MAGI2: variants seen among roughly 807,000 people sequenced by gnomAD.
MAGI2 encodes the protein membrane associated guanylate kinase, WW and PDZ domain containing 2.
In MAGI2, 35 loss-of-function variants were observed where a neutral mutation model predicts 133.3. That is an observed-to-expected ratio of 0.26 (90% CI 0.20 to 0.35). The LOEUF is 0.35. MAGI2 is among the 10% of genes least tolerant of loss of function. The pLI, the probability that MAGI2 is intolerant of heterozygous loss-of-function variation, is 1.00. For synonymous variants in MAGI2, 729 were observed against 710.6 expected (o/e 1.03, Z -0.41); for missense variants, 1,636 against 1,863.4 (o/e 0.88, Z 2.25).
intron 1 of MAGI2, chr7:79,030,203 T>C (rs550083787): frequency 3.9e-5 from 6 of 152,342 alleles, no homozygotes; most frequent in African/African-American, 1.4e-4. Flanking sequence ...GATTTTGTTT[T>C]GGTGAGGGAA....
chr7:78,974,871 A>G (rs1205662960), intron 2 of MAGI2, among the ~76,000 whole-genome samples: 2 of 151,784 alleles, frequency 1.3e-5, no homozygotes, highest in African/African-American at 2.4e-5. Context: ...CAATTATCGA[A>G]AGTTTGACTA....
chr7:78,545,467 C>T (rs564916236), intron 3 of MAGI2, among the ~76,000 whole-genome samples: 2 of 152,226 alleles, frequency 1.3e-5, no homozygotes, highest in African/African-American at 4.8e-5. Context: ...TCACCTCAGC[C>T]TCCCAAAGTG....
intron 1 of MAGI2, among the ~76,000 whole-genome samples, chr7:79,267,524 G>T (rs1335653868): frequency 6.6e-6 from 1 of 152,188 alleles, no homozygotes; most frequent in Non-Finnish European, 1.5e-5. Flanking sequence ...GGTTAGCCAT[G>T]AAAGTTTATA....
At chr7:78,880,029 G>A (rs566300127) in intron 2 of MAGI2, among the ~76,000 whole-genome samples, 1 of 151,932 alleles carries the variant, frequency 6.6e-6, no homozygotes, top group Non-Finnish European at 1.5e-5. Flanking sequence ...ATAGTCAAAA[G>A]AATTTAATAA....
intron 2 of MAGI2, among the ~76,000 whole-genome samples, chr7:78,857,322 T>A (rs1793742718): frequency 6.6e-6 from 1 of 152,176 alleles, no homozygotes. Context: ...GGCATCCCTG[T>A]CTTGTGCCAG....
At chr7:78,915,320 A>G (rs1394956352) in intron 2 of MAGI2, among the ~76,000 whole-genome samples, 2 of 152,290 alleles carry the variant, frequency 1.3e-5, no homozygotes, top group South Asian at 2.1e-4. Flanking sequence ...GCAATTTTAT[A>G]GCAGTTTGAA....
intron 1 of MAGI2, among the ~76,000 whole-genome samples, chr7:79,194,202 G>A (rs981657229): frequency 5.3e-5 from 8 of 151,826 alleles, no homozygotes; most frequent in Admixed American, 2.0e-4. Context: ...CTGATTCATC[G>A]AAGATTTATA....
At chr7:78,115,635 A>G (rs1819790437) in intron 20 of MAGI2, among the ~76,000 whole-genome samples, 2 of 45,384 alleles carry the variant, frequency 4.4e-5, no homozygotes, top group South Asian at 1.2e-3. Flanking sequence ...CCTGGAAAAT[A>G]AAAGAAATAA....
At chr7:79,309,968 T>TAAAAAAAAAAAAAAA (rs111847690) in intron 1 of MAGI2, among the ~76,000 whole-genome samples, 2 of 101,478 alleles carry the variant, frequency 2.0e-5, no homozygotes, top group Admixed American at 1.2e-4. Flanking sequence ...TTGTTTTTCC[T>TAAAAAAAAAAAAAAA]AAAAAAAAAA....
chr7:79,108,462 T>C (rs1333117262), intron 1 of MAGI2, among the ~76,000 whole-genome samples: 3 of 152,226 alleles, frequency 2.0e-5, no homozygotes, highest in Non-Finnish European at 4.4e-5. Context: ...AACAGACATG[T>C]AGAAATATCT....
chr7:78,721,800 C>A (rs970356015), intron 2 of MAGI2, among the ~76,000 whole-genome samples: 1 of 151,540 alleles, frequency 6.6e-6, no homozygotes. Context: ...ATTTATAAAC[C>A]CAAACATAAA....
At chr7:78,092,775 C>CCATT (rs112757468) in intron 20 of MAGI2, among the ~76,000 whole-genome samples, 53,543 of 151,998 alleles carry the variant, frequency 0.35, 10,882 homozygotes, top group African/African-American at 0.57. Context: ...ATTCCACATA[C>CCATT]ATCCCTTGGA....
intron 14 of MAGI2, among the ~76,000 whole-genome samples, chr7:78,175,039 G>A (rs1479598539): frequency 6.6e-6 from 1 of 152,128 alleles, no homozygotes; most frequent in Non-Finnish European, 1.5e-5. Flanking sequence ...TCTTTTGGAT[G>A]GTTCTAATTT....
intron 21 of MAGI2, among the ~76,000 whole-genome samples, chr7:78,035,669 C>T (rs1584902584): frequency 6.6e-6 from 1 of 152,014 alleles, no homozygotes; most frequent in East Asian, 1.9e-4. Context: ...TGGCCACTGG[C>T]TTCCACTCTT....
At chr7:78,030,906 C>G (rs1045174005) in intron 21 of MAGI2, among the ~76,000 whole-genome samples, 6 of 152,214 alleles carry the variant, frequency 3.9e-5, no homozygotes, top group African/African-American at 1.2e-4. Flanking sequence ...TGTGTTCACA[C>G]AAAAACCTGT....
At position 78,274,710 on chromosome 7, in the gene MAGI2, C is replaced by G. The variant is rs1433451848; in HGVS notation, c.1409-18129G>C. 5.3e-5 allele frequency among the ~76,000 whole-genome samples: 8 copies of G among 152,138 alleles called. No individual in the cohort carries two copies. In the South Asian group the frequency reaches 1.7e-3, roughly 32 times the overall value. On this transcript the variant is annotated intron_variant, in intron 9 of 21. Coordinates refer to ENST00000354212, the MANE Select transcript of MAGI2 (RefSeq NM_012301.4). Reference sequence around the variant, plus strand: ...TAGCTGCGGTGGGCTCCCCTCAGTTCGTACTTCATGGCAGCTTTATGTACA... The same window carrying G: ...TAGCTGCGGTGGGCTCCCCTCAGTTGGTACTTCATGGCAGCTTTATGTACA...
chr7:78,668,077 T>C (rs978368126), intron 2 of MAGI2, among the ~76,000 whole-genome samples: 2 of 152,172 alleles, frequency 1.3e-5, no homozygotes, highest in African/African-American at 2.4e-5. Flanking sequence ...TTTTTAGTGA[T>C]TGCCATTCTA....
intron 1 of MAGI2, chr7:79,010,918 C>T (rs1808016493): frequency 6.6e-6 from 1 of 152,074 alleles, no homozygotes; most frequent in Non-Finnish European, 1.5e-5. Context: ...TAATTTTCAT[C>T]CTCTATAGTC....
At chr7:79,404,452 C>T (rs1243444066) in intron 1 of MAGI2, among the ~76,000 whole-genome samples, 3 of 152,188 alleles carry the variant, frequency 2.0e-5, no homozygotes, top group Admixed American at 1.3e-4. Context: ...CCTCCTGCCT[C>T]GGCCTCCCAA....
Sources: gnomAD v4.1 joint callset for allele counts (sites outside exome capture counted in the v4.1 genomes callset) on GRCh38, gnomAD v4.1.1 for gene constraint, MANE v1.5 for transcripts, NCBI Gene and HGNC (gene_info 2026-07-23, HGNC 2026-07-21) for gene names.